The following GNAQ variants were observed in gnomAD, a reference collection of about 807,000 sequenced individuals.
GNAQ encodes G protein subunit alpha q.
GNAQ carries 8 observed loss-of-function variants against 43.9 expected under a neutral mutation model. The ratio of observed to expected loss-of-function variants is 0.18; its 90% CI spans 0.11 to 0.33. GNAQ has a LOEUF of 0.33. GNAQ is among the 10% of genes least tolerant of loss of function. GNAQ has a pLI of 1.00. For synonymous variants in GNAQ, 155 were observed against 170.7 expected, an observed-to-expected ratio of 0.91 and a Z score of 0.71; for missense variants, 158 against 450.8, an observed-to-expected ratio of 0.35 and a Z score of 5.88.
chr9:77,916,083 C>T (rs923374689), intron 2 of GNAQ, among the ~76,000 whole-genome samples: 4 of 152,126 alleles, frequency 2.6e-5, no homozygotes, highest in Non-Finnish European at 5.9e-5. Context: ...AGAGTTCATC[C>T]ATTTCACAGA....
At chr9:77,795,287 C>T (rs144170475) in intron 4 of GNAQ, among the ~76,000 whole-genome samples, 1,855 of 152,280 alleles carry the variant, frequency 0.012, 19 homozygotes, top group Non-Finnish European at 0.02. Context: ...TTGTTTTTAA[C>T]ACATCAATTC....
In GNAQ at chr9:77,890,175, C is replaced by T. The variant is rs757092776; in HGVS notation, c.321+31986G>A. ...TTAATTCTGTTCCCAATGTAATTGC[C>T]GATTCGCACATATCTTTGTATTGGT... On this transcript the variant is annotated intron_variant, in intron 2 of 6. Transcript: ENST00000286548. Among the ~76,000 whole-genome samples the T allele has an allele frequency of 3.2e-4, 49 of 152,038 alleles. 1 individual carries two copies. The highest frequency in any genetic ancestry group is 7.7e-4 in the East Asian group (4 of 5,174).
intron 2 of GNAQ, among the ~76,000 whole-genome samples, chr9:77,847,216 G>C (rs1827602025): frequency 6.6e-6 from 1 of 152,212 alleles, no homozygotes; most frequent in African/African-American, 2.4e-5. Context: ...GCAGTGGTCA[G>C]TTATGTCAAG....
chr9:78,022,159 G>A (rs1236388129), intron 1 of GNAQ, among the ~76,000 whole-genome samples: 1 of 152,166 alleles, frequency 6.6e-6, no homozygotes, highest in Admixed American at 6.5e-5. Flanking sequence ...AGGCCAACCC[G>A]AAGGAGCCCA....
rs1428894260 is a variant in GNAQ at position 77,919,108 on chromosome 9, C to T, written c.321+3053G>A. ...CTAATTTTTGTATTTTTAGTAGAGA[C>T]AGGATTTCACCATGCTAGCCAGGCT... On this transcript the variant is annotated intron_variant, in intron 2 of 6. Transcript: ENST00000286548. Among the ~76,000 whole-genome samples the T allele has an allele frequency of 4.6e-5, 7 of 152,192 alleles. No individual in the cohort carries two copies. The East Asian group carries it at 1.2e-3, about 25-fold the overall frequency.
chr9:77,759,532 C>A (rs1825955824), intron 5 of GNAQ, among the ~76,000 whole-genome samples: 1 of 152,166 alleles, frequency 6.6e-6, no homozygotes, highest in Non-Finnish European at 1.5e-5. Flanking sequence ...CCTTCATCAA[C>A]AACTACAGCA....
chr9:77,735,527 C>G (rs893820422), intron 5 of GNAQ, among the ~76,000 whole-genome samples: 6 of 152,180 alleles, frequency 3.9e-5, no homozygotes, highest in African/African-American at 1.4e-4. Flanking sequence ...CAAGCCTAGT[C>G]TTCTGCATAT....
At chr9:77,793,103 T>C (rs1826602378) in intron 5 of GNAQ, among the ~76,000 whole-genome samples, 2 of 152,162 alleles carry the variant, frequency 1.3e-5, no homozygotes, top group South Asian at 2.1e-4. Context: ...TTTAAAATAC[T>C]ACATCCAGGG....
intron 2 of GNAQ, among the ~76,000 whole-genome samples, chr9:77,840,660 T>A (rs1827475577): frequency 6.6e-6 from 1 of 152,172 alleles, no homozygotes; most frequent in Admixed American, 6.5e-5. Flanking sequence ...TTATAACATA[T>A]ATAACATGTT....
rs141924706 is a variant in GNAQ, at chr9:77,763,608, T to C, written c.735+30855A>G. Among the ~76,000 whole-genome samples, 28 of 152,378 alleles carry C rather than the reference T, an allele frequency of 1.8e-4. No homozygotes were observed. The Middle Eastern group carries it at 0.01, about 56-fold the overall frequency. On this transcript the variant is annotated intron_variant, in intron 5 of 6. Coordinates refer to ENST00000286548, the MANE Select transcript of GNAQ (RefSeq NM_002072.5). ...TAACTATGAATTTGGTGAGGGATTA[T>C]TGTATTGCGATGGATCAAGTGTGAA...
intron 1 of GNAQ, among the ~76,000 whole-genome samples, chr9:77,984,168 T>A (rs1054536698): frequency 2.1e-5 from 3 of 142,686 alleles, no homozygotes. Context: ...TGGGATTTTT[T>A]TGCTTTTCTT....
intron 5 of GNAQ, among the ~76,000 whole-genome samples, chr9:77,778,424 A>G (rs1446417911): frequency 6.6e-6 from 1 of 152,040 alleles, no homozygotes; most frequent in Non-Finnish European, 1.5e-5. Context: ...CTAAAATAAA[A>G]GAAGTATAAC....
At chr9:77,757,034 G>C (rs746635321) in intron 5 of GNAQ, among the ~76,000 whole-genome samples, 1 of 152,074 alleles carries the variant, frequency 6.6e-6, no homozygotes, top group Non-Finnish European at 1.5e-5. Flanking sequence ...GCATTTACTA[G>C]GGATCAAATC....
At chr9:77,767,175 C>T (rs544636395) in intron 5 of GNAQ, among the ~76,000 whole-genome samples, 1 of 152,198 alleles carries the variant, frequency 6.6e-6, no homozygotes, top group African/African-American at 2.4e-5. Context: ...AAAGGTATGG[C>T]GGCCCTCTAG....
intron 5 of GNAQ, among the ~76,000 whole-genome samples, chr9:77,777,640 A>C (rs1826324050): frequency 6.6e-6 from 1 of 152,094 alleles, no homozygotes. Context: ...ACTCAACAAT[A>C]AAAACACAAG....
intron 1 of GNAQ, among the ~76,000 whole-genome samples, chr9:77,979,110 C>T (rs1379330835): frequency 6.6e-6 from 1 of 151,936 alleles, no homozygotes; most frequent in Non-Finnish European, 1.5e-5. Flanking sequence ...AATTCCAGTG[C>T]TTTGGGAGGC....
chr9:77,899,362 G>T (rs1183892439), intron 2 of GNAQ, among the ~76,000 whole-genome samples: 1 of 152,034 alleles, frequency 6.6e-6, no homozygotes, highest in Non-Finnish European at 1.5e-5. Context: ...CTCCCAAAGT[G>T]CTGGGACTAC....
intron 5 of GNAQ, among the ~76,000 whole-genome samples, chr9:77,738,450 G>C (rs911044562): frequency 5.9e-5 from 9 of 151,990 alleles, no homozygotes; most frequent in Middle Eastern, 3.4e-3. Context: ...ATTAATATGT[G>C]GTCATGATAG....
chr9:78,013,506 T>G (rs1031340007), intron 1 of GNAQ, among the ~76,000 whole-genome samples: 3 of 151,886 alleles, frequency 2.0e-5, no homozygotes, highest in African/African-American at 7.3e-5. Flanking sequence ...ATGTTCCCCT[T>G]CCTGCGTCCA....
Sources: gnomAD v4.1 joint callset for allele counts (sites outside exome capture counted in the v4.1 genomes callset) on GRCh38, gnomAD v4.1.1 for gene constraint, MANE v1.5 for transcripts, NCBI Gene and HGNC (gene_info 2026-07-23, HGNC 2026-07-21) for gene names.